Variants in UBA6 observed in about 807,000 individuals in gnomAD.
UBA6 encodes ubiquitin like modifier activating enzyme 6, also known as ubiquitin-like modifier-activating enzyme 6.
In UBA6, 87 loss-of-function variants were observed where a neutral mutation model predicts 148.3. The ratio of observed to expected loss-of-function variants is 0.59; its 90% CI spans 0.49 to 0.70. The LOEUF (loss-of-function observed/expected upper bound fraction) is 0.70, where lower values mean the gene tolerates loss of function less well. Ranked by LOEUF, UBA6 falls within the 30% of genes least tolerant of loss-of-function variation. The probability of loss-of-function intolerance (pLI) is 0.00; values close to 1 mark genes in which losing one functional copy is unlikely to be tolerated. For missense variants in UBA6, 1,186 were observed against 1,241.2 expected (o/e 0.96, Z 0.67); for synonymous variants, 376 against 401.0 (o/e 0.94, Z 0.75).
chr4:67,628,066 C>T (rs1560478155), intron 27 of UBA6, among the ~76,000 whole-genome samples: 1 of 151,412 alleles, frequency 6.6e-6, no homozygotes, highest in Non-Finnish European at 1.5e-5. Context: ...GATCATTACC[C>T]TTTCTCCAGC....
At chr4:67,676,016 T>C (rs1174329357) in intron 6 of UBA6, among the ~76,000 whole-genome samples, 1 of 147,750 alleles carries the variant, frequency 6.8e-6, no homozygotes, top group African/African-American at 2.5e-5. Flanking sequence ...ATTATAGTAC[T>C]ACCTTTTTTT....
intron 17 of UBA6, among the ~76,000 whole-genome samples, chr4:67,643,331 A>G (rs1428986780): frequency 2.6e-5 from 4 of 151,910 alleles, no homozygotes; most frequent in Non-Finnish European, 2.9e-5. Flanking sequence ...GTGAATAGTC[A>G]TTTTTTAATC....
chr4:67,681,666 A>G, intron 3 of UBA6, 75 bp from the exon 4 acceptor site: 1 of 963,332 alleles, frequency 1.0e-6, no homozygotes, highest in Non-Finnish European at 1.6e-6. Flanking sequence ...GAGCTTAGTC[A>G]CATATCTGAC....
At chr4:67,700,257 A>G (rs1278022433) in intron 1 of UBA6, among the ~76,000 whole-genome samples, 1 of 152,242 alleles carries the variant, frequency 6.6e-6, no homozygotes, top group Non-Finnish European at 1.5e-5. Flanking sequence ...AACTGGCGAA[A>G]AGGCTACAGG....
intron 2 of UBA6, among the ~76,000 whole-genome samples, chr4:67,693,307 G>A (rs1730739353): frequency 6.6e-6 from 1 of 150,924 alleles, no homozygotes; most frequent in Non-Finnish European, 1.5e-5. Flanking sequence ...ATTTTCTCTA[G>A]CTTACTTTAT....
intron 23 of UBA6, among the ~76,000 whole-genome samples, chr4:67,632,487 T>C (rs1355340187): frequency 6.6e-6 from 1 of 152,090 alleles, no homozygotes; most frequent in African/African-American, 2.4e-5. Flanking sequence ...TTTTTCATTA[T>C]AAAAAAAGTT....
intron 3 of UBA6, 38 bp downstream of exon 3, chr4:67,682,081 C>G (rs1200024632): frequency 6.9e-7 from 1 of 1,452,480 alleles, no homozygotes; most frequent in African/African-American, 1.5e-5. Flanking sequence ...CTTCATTGCT[C>G]AAAAGTGTCA....
chr4:67,669,266 AG>A (rs1295037073), intron 8 of UBA6, among the ~76,000 whole-genome samples: 3 of 152,192 alleles, frequency 2.0e-5, no homozygotes, highest in Non-Finnish European at 4.4e-5. Flanking sequence ...CAACTAGAGA[AG>A]GTAAAAGGTT....
chr4:67,637,365 C>A (rs1473708742), intron 19 of UBA6, among the ~76,000 whole-genome samples: 4 of 150,304 alleles, frequency 2.7e-5, no homozygotes, highest in Middle Eastern at 3.3e-3. Context: ...GGTGGGGGCG[C>A]CTCTGCCCAG....
chr4:67,625,196 A>G lies in UBA6; in HGVS notation c.2519-9T>C, dbSNP rs780580830. On this transcript the variant is annotated splice_polypyrimidine_tract_variant and intron_variant, in intron 28 of 32. Coordinates refer to ENST00000322244, the MANE Select transcript of UBA6 (RefSeq NM_018227.6). ...TGCCATCTGAAGGTCACCTGATTAT[A>G]CCAACCAGATAAACAAAGTTCCACA... 9 of 1,588,940 alleles carry G rather than the reference A, an allele frequency of 5.7e-6. No individual in the cohort carries two copies.
chr4:67,665,352 T>G, intron 9 of UBA6, 60 bp from the exon 10 acceptor site: 1 of 1,031,330 alleles, frequency 9.7e-7, no homozygotes, highest in Non-Finnish European at 1.4e-6. Context: ...AAATTTCAAC[T>G]CTTATTGTCA....
At chr4:67,680,653 G>C (rs543322322) in intron 4 of UBA6, among the ~76,000 whole-genome samples, 10 of 152,286 alleles carry the variant, frequency 6.6e-5, no homozygotes, top group Admixed American at 1.3e-4. Context: ...CTTTTAAGAT[G>C]GCCACAATGT....
intron 9 of UBA6, among the ~76,000 whole-genome samples, chr4:67,667,655 T>C (rs1297387037): frequency 1.3e-5 from 2 of 152,230 alleles, no homozygotes; most frequent in Non-Finnish European, 2.9e-5. Flanking sequence ...CGTTGTCCAG[T>C]ACTTTGACTC....
Position 67,638,964 on chromosome 4 carries a change from T to TC in UBA6, c.1714dup (p.Glu572GlyfsTer26). On this transcript the variant is annotated frameshift_variant, in exon 19 of 33. Transcript: ENST00000322244. LOFTEE classifies it high-confidence loss of function. ...ATACCTGTCTACGTATCTCCTGGCT[T>TC]CCACATTATCTAATGCTGTAATAAT... The TC allele has an allele frequency of 6.2e-7, 1 of 1,608,934 alleles. No homozygotes were observed. Among genetic ancestry groups the TC allele is most frequent in the Non-Finnish European group, 8.5e-7 (1 of 1,177,332 alleles).
intron 1 of UBA6, among the ~76,000 whole-genome samples, chr4:67,698,061 G>C (rs13143437): frequency 6.6e-6 from 1 of 151,966 alleles, no homozygotes; most frequent in Non-Finnish European, 1.5e-5. Context: ...TTGCTGTTTC[G>C]CAAGAAGGCA....
chr4:67,651,369 T>C (rs1729550362), intron 13 of UBA6, among the ~76,000 whole-genome samples: 1 of 152,168 alleles, frequency 6.6e-6, no homozygotes, highest in African/African-American at 2.4e-5. Flanking sequence ...GCTTATGGTG[T>C]ACGTAAGAAA....
chr4:67,685,792 C>A (rs1338117986), intron 2 of UBA6, among the ~76,000 whole-genome samples: 1 of 152,130 alleles, frequency 6.6e-6, no homozygotes, highest in Non-Finnish European at 1.5e-5. Context: ...CCCTCTCTTA[C>A]TCTTGCCCTT....
chr4:67,697,354 T>C (rs1730865730), intron 1 of UBA6, among the ~76,000 whole-genome samples: 1 of 152,220 alleles, frequency 6.6e-6, no homozygotes, highest in South Asian at 2.1e-4. Context: ...TTCTGTACCA[T>C]GAACTTTCTC....
chr4:67,692,190 A>G (rs1282150724), intron 2 of UBA6, among the ~76,000 whole-genome samples: 1 of 152,202 alleles, frequency 6.6e-6, no homozygotes, highest in Non-Finnish European at 1.5e-5. Context: ...TCTTAAAAAA[A>G]AGTCAGACAC....
Sources: allele counts gnomAD v4.1 joint callset (sites outside exome capture counted in the v4.1 genomes callset), GRCh38; gene constraint gnomAD v4.1.1; transcripts MANE v1.5; gene names NCBI Gene and HGNC (gene_info 2026-07-23, HGNC 2026-07-21).